Variants in FBN1 observed in about 807,000 individuals in gnomAD.
FBN1 encodes the protein fibrillin 1.
Under a neutral mutation model 365.1 loss-of-function variants are expected in FBN1, and 29 were observed. That is an observed-to-expected ratio of 0.08 (90% CI 0.06 to 0.11). The LOEUF is 0.11. Ranked by LOEUF, FBN1 falls within the 10% of genes least tolerant of loss-of-function variation. The pLI is 1.00. For synonymous variants in FBN1, 1,210 were observed against 1,270.5 expected (o/e 0.95, Z 1.01); for missense variants, 2,476 against 3,703.2 (o/e 0.67, Z 8.60).
intron 6 of FBN1, among the ~76,000 whole-genome samples, chr15:48,578,312 T>C (rs978514203): frequency 1.3e-5 from 2 of 152,146 alleles, no homozygotes; most frequent in African/African-American, 4.8e-5. Flanking sequence ...AATGACTGAA[T>C]GTTAGGGATG....
chr15:48,486,886 T>C (rs966446771), intron 29 of FBN1, among the ~76,000 whole-genome samples, 189 bp downstream of exon 29: 1 of 152,058 alleles, frequency 6.6e-6, no homozygotes, highest in East Asian at 1.9e-4. Context: ...CCAAAGATCG[T>C]GAGCCACTAT....
At chr15:48,608,090 C>T (rs1205317406) in intron 4 of FBN1, among the ~76,000 whole-genome samples, 2 of 152,228 alleles carry the variant, frequency 1.3e-5, no homozygotes, top group African/African-American at 4.8e-5. Flanking sequence ...CTGGCTGGTA[C>T]TTTGAACCTT....
chr15:48,465,443 G>T, intron 40 of FBN1, 125 bp downstream of exon 40: 2 of 1,068,134 alleles, frequency 1.9e-6, no homozygotes, highest in Non-Finnish European at 2.9e-6. Context: ...TATCTACCTG[G>T]CTATGTTCGT....
At chr15:48,527,038 C>T (rs1402443598) in intron 8 of FBN1, among the ~76,000 whole-genome samples, 1 of 152,228 alleles carries the variant, frequency 6.6e-6, no homozygotes, top group Admixed American at 6.5e-5. Context: ...TGGGAGACAA[C>T]ACTGAAGGCC....
In FBN1 at chr15:48,644,843, T is replaced by C. The variant is rs1039563162; in HGVS notation, c.-74A>G. Reference sequence around the variant, plus strand: ...TCGGTCTGCGGCCGCCGCTGCGCCCTGAAGCGCACCGCGCCGCCGGGGTCC... The same window carrying C: ...TCGGTCTGCGGCCGCCGCTGCGCCCCGAAGCGCACCGCGCCGCCGGGGTCC... On this transcript the variant is annotated 5_prime_UTR_variant, in exon 2 of 66. Transcript: ENST00000316623. The C allele has an allele frequency of 2.9e-6, 4 of 1,369,026 alleles. No individual in the cohort carries two copies. The highest frequency in any genetic ancestry group is 1.9e-6 in the Non-Finnish European group (2 of 1,063,662). The allele number at this position is 1,369,026 out of a possible 1,614,324, so 84.8% of individuals were successfully genotyped here. A position where few individuals can be genotyped will look rare whatever the true frequency, so the allele number is the denominator to read the frequency against.
intron 64 of FBN1, 120 bp from the exon 65 acceptor site, chr15:48,412,863 T>G: frequency 8.5e-7 from 1 of 1,179,252 alleles, no homozygotes; most frequent in South Asian, 1.2e-5. Context: ...GCTTGTCCAC[T>G]GGAGGATCAG....
intron 49 of FBN1, 103 bp from the exon 50 acceptor site, chr15:48,441,949 C>T: frequency 8.1e-7 from 1 of 1,228,346 alleles, no homozygotes; most frequent in South Asian, 1.2e-5. Flanking sequence ...AGTTTCCAAA[C>T]TCTTACAATA....
In FBN1 at chr15:48,468,035, G is replaced by C. The variant is rs933962712; in HGVS notation, c.4650C>G (p.Ser1550Arg). The change falls in exon 38 of 66, where the codon AGC (serine) becomes AGG (arginine). Residue 1550 changes from serine to arginine, a missense_variant. Coordinates refer to ENST00000316623, the MANE Select transcript of FBN1 (RefSeq NM_000138.5). ...TGGAAACACCAACTCCAATTTCATTGCTGCAGGCTGTATCTCCATTGTCTC... is the reference window on the plus strand; with the variant it reads ...TGGAAACACCAACTCCAATTTCATTCCTGCAGGCTGTATCTCCATTGTCTC... ...PRGDNGDTAC[S>R]NEIGVGVSKA... The C allele has an allele frequency of 6.2e-7, 1 of 1,613,990 alleles. No individual in the cohort carries two copies. The highest frequency in any genetic ancestry group is 1.3e-5 in the African/African-American group (1 of 74,912).
intron 2 of FBN1, among the ~76,000 whole-genome samples, chr15:48,616,085 A>C (rs1377515433): frequency 6.6e-6 from 1 of 152,180 alleles, no homozygotes; most frequent in African/African-American, 2.4e-5. Context: ...TTTGAAACAG[A>C]ATACTTCTTG....
intron 6 of FBN1, among the ~76,000 whole-genome samples, chr15:48,578,231 T>A (rs531112634): frequency 6.6e-6 from 1 of 152,090 alleles, no homozygotes; most frequent in Non-Finnish European, 1.5e-5. Context: ...GAAAGAAAAA[T>A]CAAATCTGCA....
chr15:48,460,200 CA>C (rs771255681), intron 43 of FBN1, 45 bp downstream of exon 43: 8 of 1,455,810 alleles, frequency 5.5e-6, no homozygotes, highest in Admixed American at 1.7e-5. Flanking sequence ...AATGCTAACA[CA>C]AAGGCAAAAA....
At chr15:48,442,596 A>C (rs2043124930) in intron 49 of FBN1, among the ~76,000 whole-genome samples, 1 of 152,246 alleles carries the variant, frequency 6.6e-6, no homozygotes, top group African/African-American at 2.4e-5. Flanking sequence ...AGAGTAGCCA[A>C]TAAGAAGTTT....
At chr15:48,481,820 A>G in intron 31 of FBN1, 40 bp from the exon 32 acceptor site, 1 of 1,579,452 alleles carries the variant, frequency 6.3e-7, no homozygotes, top group Non-Finnish European at 8.7e-7. Context: ...TAGCTATTTG[A>G]TATCATTGAG....
In FBN1 at chr15:48,481,794, A is replaced by G; in HGVS notation, c.3839-14T>C. Reference sequence around the variant, plus strand: ...ACTCATTGACATCTGTAAAACATATATACTATTAATATATGTAGCTATTTG... The same window carrying G: ...ACTCATTGACATCTGTAAAACATATGTACTATTAATATATGTAGCTATTTG... On this transcript the variant is annotated splice_polypyrimidine_tract_variant and intron_variant, in intron 31 of 65. Transcript: ENST00000316623. 1 of 1,608,508 alleles carries G rather than the reference A, an allele frequency of 6.2e-7. No individual in the cohort carries two copies. Among genetic ancestry groups the G allele is most frequent in the East Asian group, 2.2e-5 (1 of 44,814 alleles).
chr15:48,574,791 G>A (rs2044332977), intron 6 of FBN1, among the ~76,000 whole-genome samples: 1 of 152,136 alleles, frequency 6.6e-6, no homozygotes, highest in Non-Finnish European at 1.5e-5. Context: ...CAATCAGGAG[G>A]CTTCCATTTG....
At chr15:48,436,585 T>C (rs1418089787) in intron 53 of FBN1, among the ~76,000 whole-genome samples, 1 of 152,208 alleles carries the variant, frequency 6.6e-6, no homozygotes, top group Non-Finnish European at 1.5e-5. Flanking sequence ...AGAATCCAGA[T>C]AAAATTTTTA....
intron 43 of FBN1, among the ~76,000 whole-genome samples, chr15:48,459,589 A>G (rs1341714219): frequency 6.6e-6 from 1 of 152,214 alleles, no homozygotes; most frequent in Non-Finnish European, 1.5e-5. Context: ...CACCAGGGAA[A>G]AACTCAGAGA....
intron 35 of FBN1, among the ~76,000 whole-genome samples, 160 bp downstream of exon 35, chr15:48,472,391 T>G (rs1281921273): frequency 6.7e-6 from 1 of 149,228 alleles, no homozygotes. Context: ...AATGGTCAGC[T>G]GGAAACCTAA....
At chr15:48,460,127 T>C (rs2043269712) in intron 43 of FBN1, 119 bp downstream of exon 43, 6 of 746,182 alleles carry the variant, frequency 8.0e-6, no homozygotes, top group Non-Finnish European at 1.4e-5. Context: ...AGTGTTTCAA[T>C]AAAGTGAAAG....
Sources: gnomAD v4.1 joint callset for allele counts (sites outside exome capture counted in the v4.1 genomes callset) on GRCh38, gnomAD v4.1.1 for gene constraint, MANE v1.5 for transcripts, NCBI Gene and HGNC (gene_info 2026-07-23, HGNC 2026-07-21) for gene names.